Variants in GPHN observed in about 807,000 individuals in gnomAD.
The protein encoded by GPHN is gephyrin.
Under a neutral mutation model 95.5 loss-of-function variants are expected in GPHN, and 17 were observed. The ratio of observed to expected loss-of-function variants is 0.18; its 90% confidence interval spans 0.12 to 0.27. The LOEUF (loss-of-function observed/expected upper bound fraction) is 0.27. Among genes scored for constraint, GPHN ranks in the 10% least tolerant of loss-of-function variants. The probability of loss-of-function intolerance (pLI) is 1.00; values close to 1 mark genes in which losing one functional copy is unlikely to be tolerated. For synonymous variants in GPHN, 320 were observed against 322.5 expected (o/e 0.99, Z 0.08); for missense variants, 660 against 978.1 (o/e 0.67, Z 4.34).
At chr14:66,858,459 G>C (rs1302800656) in intron 4 of GPHN, among the ~76,000 whole-genome samples, 1 of 151,586 alleles carries the variant, frequency 6.6e-6, no homozygotes, top group Non-Finnish European at 1.5e-5. Context: ...ACTCAGTCCT[G>C]GCAAGATGCA....
chr14:67,320,103 C>G, the GPHN span: 20 of 686,004 alleles, frequency 2.9e-5, no homozygotes. Flanking sequence ...TTTCATGATA[C>G]CCTAGCAAGG....
intron 10 of GPHN, among the ~76,000 whole-genome samples, chr14:67,034,989 A>G (rs931665985): frequency 2.6e-5 from 4 of 152,118 alleles, no homozygotes; most frequent in Admixed American, 2.6e-4. Context: ...TACATGGAAT[A>G]TTCTGTAGGA....
At chr14:67,213,116 T>C in the GPHN span, among the ~76,000 whole-genome samples, 2 of 150,520 alleles carry the variant, frequency 1.3e-5, no homozygotes, top group Non-Finnish European at 3.0e-5. Flanking sequence ...TTTTTACTTC[T>C]CAGATAGCTG....
the GPHN span, among the ~76,000 whole-genome samples, chr14:67,228,869 G>A: frequency 6.6e-6 from 1 of 152,028 alleles, no homozygotes; most frequent in Non-Finnish European, 1.5e-5. Context: ...AGTATTTATT[G>A]AATCAGTGTG....
chr14:66,636,972 C>G (rs2064134618), intron 1 of GPHN, among the ~76,000 whole-genome samples: 1 of 152,128 alleles, frequency 6.6e-6, no homozygotes, highest in Admixed American at 6.5e-5. Flanking sequence ...ACTCTTAGAA[C>G]AGGATATAGG....
intron 4 of GPHN, among the ~76,000 whole-genome samples, chr14:66,853,974 A>C (rs1398888167): frequency 6.6e-6 from 1 of 152,182 alleles, no homozygotes; most frequent in Non-Finnish European, 1.5e-5. Flanking sequence ...ATATCATTTT[A>C]TCACCAAATG....
the GPHN span, among the ~76,000 whole-genome samples, chr14:67,372,826 C>CA: frequency 0.17 from 24,177 of 138,216 alleles, 3,469 homozygotes; most frequent in East Asian, 0.43. Context: ...GACTCCATCT[C>CA]AAAAAAAAAA....
At chr14:66,832,398 C>A (rs1281783749) in intron 4 of GPHN, among the ~76,000 whole-genome samples, 1 of 152,122 alleles carries the variant, frequency 6.6e-6, no homozygotes, top group East Asian at 1.9e-4. Flanking sequence ...TATGGTAGCT[C>A]CAAATACTTT....
rs59434196 is a variant in GPHN, at chr14:66,898,466, T to TAAAAAA, written c.390-17517_390-17512dup. Among the ~76,000 whole-genome samples, 104 of 91,746 alleles carry TAAAAAA rather than the reference T, an allele frequency of 1.1e-3. 5 individuals are homozygous for TAAAAAA. In the South Asian group the frequency reaches 0.016, roughly 14 times the overall value. 60.2% of individuals were successfully genotyped at this position (91,746 alleles called of 152,430 possible). On this transcript the variant is annotated intron_variant, in intron 5 of 22. Transcript: ENST00000478722. ...ACCACTTGCTCCAGTGCTACTTGTT[T>TAAAAAA]AAAAAAAAAAAAAAAAAAAAAAAAA...
intron 8 of GPHN, among the ~76,000 whole-genome samples, chr14:66,928,941 GA>G (rs1285995632): frequency 6.6e-6 from 1 of 151,902 alleles, no homozygotes; most frequent in African/African-American, 2.4e-5. Flanking sequence ...CTGTCCTTGA[GA>G]ATGATTCGTG....
chr14:67,265,950 A>G, the GPHN span, among the ~76,000 whole-genome samples: 3 of 152,072 alleles, frequency 2.0e-5, no homozygotes, highest in Admixed American at 1.3e-4. Context: ...TCCATTAAAA[A>G]ACTTTTAAAA....
intron 2 of GPHN, among the ~76,000 whole-genome samples, chr14:66,717,384 A>T (rs1185640562): frequency 6.6e-6 from 1 of 151,900 alleles, no homozygotes; most frequent in African/African-American, 2.4e-5. Context: ...ATTTCATTGA[A>T]TATTTCTTCT....
At chr14:66,672,353 A>G (rs2066345070) in intron 1 of GPHN, among the ~76,000 whole-genome samples, 1 of 152,142 alleles carries the variant, frequency 6.6e-6, no homozygotes, top group African/African-American at 2.4e-5. Context: ...TGAATGTTCC[A>G]TGTTAGTTTG....
At chr14:67,174,111 T>C (rs557935497) in intron 21 of GPHN, among the ~76,000 whole-genome samples, 2 of 152,330 alleles carry the variant, frequency 1.3e-5, no homozygotes, top group East Asian at 3.9e-4. Context: ...CTGGGGTACA[T>C]GTGCACAACG....
chr14:66,696,617 T>A (rs1483051887), intron 2 of GPHN, among the ~76,000 whole-genome samples: 2 of 152,330 alleles, frequency 1.3e-5, no homozygotes, highest in African/African-American at 4.8e-5. Context: ...ACCCTACTCC[T>A]GCCAAACACT....
intron 2 of GPHN, among the ~76,000 whole-genome samples, chr14:66,703,130 A>G (rs1057469363): frequency 2.6e-5 from 4 of 152,200 alleles, no homozygotes; most frequent in Non-Finnish European, 4.4e-5. Context: ...CCTCCAAGAA[A>G]TATGGGACTT....
intron 8 of GPHN, among the ~76,000 whole-genome samples, chr14:66,954,293 C>G (rs1384211640): frequency 6.6e-6 from 1 of 152,036 alleles, no homozygotes; most frequent in Non-Finnish European, 1.5e-5. Context: ...ATTTATTTGC[C>G]TTTAATTTCT....
chr14:67,585,751 T>C, the GPHN span: 2 of 1,056,530 alleles, frequency 1.9e-6, no homozygotes, highest in Non-Finnish European at 2.8e-6. Flanking sequence ...CAAGTGACCA[T>C]GGCTGCCCTA....
intron 1 of GPHN, among the ~76,000 whole-genome samples, chr14:66,582,340 A>C (rs911126572): frequency 2.6e-5 from 4 of 152,064 alleles, no homozygotes; most frequent in Non-Finnish European, 5.9e-5. Context: ...ACAAATGAAA[A>C]TACTACATAA....
Sources: allele counts gnomAD v4.1 joint callset (sites outside exome capture counted in the v4.1 genomes callset), GRCh38; gene constraint gnomAD v4.1.1; transcripts MANE v1.5; gene names NCBI Gene and HGNC (gene_info 2026-07-23, HGNC 2026-07-21).